The following ARK2C variants were observed in gnomAD, a reference collection of about 807,000 sequenced individuals.
ARK2C encodes E3 ubiquitin-protein ligase ARK2C.
At chr18:46,382,991 C>A in the ARK2C span, among the ~76,000 whole-genome samples, 1 of 152,376 alleles carries the variant, frequency 6.6e-6, no homozygotes, top group East Asian at 1.9e-4. Context: ...ACTCCCCCCA[C>A]CCCCTGGGTC....
chr18:46,411,486 C>A, the ARK2C span, among the ~76,000 whole-genome samples: 1 of 152,218 alleles, frequency 6.6e-6, no homozygotes, highest in South Asian at 2.1e-4. Flanking sequence ...CTCACCAAGT[C>A]CCCTTTGCTA....
At chr18:46,403,596 G>A in the ARK2C span, among the ~76,000 whole-genome samples, 8 of 152,120 alleles carry the variant, frequency 5.3e-5, no homozygotes, top group Non-Finnish European at 1.5e-5. Flanking sequence ...AATCAGATCC[G>A]GCTGGGTGCA....
chr18:46,417,069 T>C, the ARK2C span, among the ~76,000 whole-genome samples: 1 of 152,242 alleles, frequency 6.6e-6, no homozygotes, highest in Non-Finnish European at 1.5e-5. Flanking sequence ...ATATGGAGTC[T>C]ATCTTGTCCT....
chr18:46,378,818 G>A, the ARK2C span, among the ~76,000 whole-genome samples: 1 of 152,320 alleles, frequency 6.6e-6, no homozygotes, highest in Admixed American at 6.5e-5. Flanking sequence ...TATGGATGGT[G>A]GGGAGCTGCA....
chr18:46,389,369 CT>C, the ARK2C span, among the ~76,000 whole-genome samples: 1 of 152,214 alleles, frequency 6.6e-6, no homozygotes, highest in African/African-American at 2.4e-5. Context: ...TCTAAACACA[CT>C]GGATAAAGTC....
chr18:46,399,468 T>C, the ARK2C span, among the ~76,000 whole-genome samples: 1 of 152,192 alleles, frequency 6.6e-6, no homozygotes, highest in African/African-American at 2.4e-5. Flanking sequence ...TGACCTCCTG[T>C]GAGGAGCCGG....
the ARK2C span, among the ~76,000 whole-genome samples, chr18:46,358,055 T>C: frequency 6.6e-6 from 1 of 152,190 alleles, no homozygotes; most frequent in African/African-American, 2.4e-5. Flanking sequence ...TATGACCTCA[T>C]CTGAACTTGA....
the ARK2C span, among the ~76,000 whole-genome samples, chr18:46,447,153 T>C: frequency 6.6e-6 from 1 of 152,202 alleles, no homozygotes; most frequent in Non-Finnish European, 1.5e-5. Flanking sequence ...TTCTCTCTCT[T>C]TGTTTTCTCA....
the ARK2C span, among the ~76,000 whole-genome samples, chr18:46,435,646 T>A: frequency 2.0e-5 from 3 of 152,188 alleles, no homozygotes; most frequent in African/African-American, 7.2e-5. Flanking sequence ...GTGTTCATGG[T>A]CCTGCAGTGG....
At chr18:46,380,721 C>A in the ARK2C span, among the ~76,000 whole-genome samples, 1 of 152,172 alleles carries the variant, frequency 6.6e-6, no homozygotes, top group African/African-American at 2.4e-5. Context: ...TCGAACCCAG[C>A]CTGTGTGATC....
chr18:46,376,624 A>G, the ARK2C span, among the ~76,000 whole-genome samples: 1 of 140,044 alleles, frequency 7.1e-6, no homozygotes, highest in Non-Finnish European at 1.5e-5. Flanking sequence ...GCCTCAGTTC[A>G]GTTTATTTGA....
chr18:46,384,575 A>G, the ARK2C span, among the ~76,000 whole-genome samples: 2 of 152,176 alleles, frequency 1.3e-5, no homozygotes, highest in South Asian at 2.1e-4. Flanking sequence ...GGACACACAC[A>G]TAATGCCTCC....
the ARK2C span, among the ~76,000 whole-genome samples, chr18:46,407,510 G>A: frequency 5.9e-5 from 9 of 152,090 alleles, no homozygotes; most frequent in South Asian, 1.4e-3. Context: ...GCCTGTTGAC[G>A]TTCTTCCTTG....
chr18:46,456,462 T>G, the ARK2C span: 2 of 1,276,020 alleles, frequency 1.6e-6, no homozygotes, highest in Non-Finnish European at 2.3e-6. Context: ...GTGTCCCTGC[T>G]CCGCTCAGTG....
chr18:46,418,099 A>G, the ARK2C span, among the ~76,000 whole-genome samples: 1 of 152,242 alleles, frequency 6.6e-6, no homozygotes, highest in Non-Finnish European at 1.5e-5. Context: ...GCTTATGCCT[A>G]TAATCTTAGC....
chr18:46,426,674 ATG>A, the ARK2C span, among the ~76,000 whole-genome samples: 1 of 152,188 alleles, frequency 6.6e-6, no homozygotes, highest in South Asian at 2.1e-4. Flanking sequence ...TCTGAAATGA[ATG>A]TGTGTCTTAC....
At chr18:46,435,929 A>T in the ARK2C span, among the ~76,000 whole-genome samples, 1 of 152,084 alleles carries the variant, frequency 6.6e-6, no homozygotes, top group African/African-American at 2.4e-5. Context: ...TGAGGAGGGG[A>T]GCTGGGGAGA....
chr18:46,398,408 A>T, the ARK2C span, among the ~76,000 whole-genome samples: 1 of 151,948 alleles, frequency 6.6e-6, no homozygotes, highest in East Asian at 1.9e-4. Context: ...CCGAGCCTTC[A>T]TCAGGGCTGT....
the ARK2C span, among the ~76,000 whole-genome samples, chr18:46,402,562 G>A: frequency 6.6e-6 from 1 of 152,088 alleles, no homozygotes. Flanking sequence ...ACCCACGCTG[G>A]AGTGCGTGAC....
Sources: gnomAD v4.1 joint callset for allele counts (sites outside exome capture counted in the v4.1 genomes callset) on GRCh38, gnomAD v4.1.1 for gene constraint, MANE v1.5 for transcripts, NCBI Gene and HGNC (gene_info 2026-07-23, HGNC 2026-07-21) for gene names.